Variants in DLGAP2 observed in about 807,000 individuals in gnomAD.
DLGAP2 encodes the protein disks large-associated protein 2.
In DLGAP2, 26 loss-of-function variants were observed where a neutral mutation model predicts 100.3. The observed-to-expected ratio is 0.26, with a 90% confidence interval of 0.19 to 0.36. The LOEUF is 0.36. DLGAP2 is among the 10% of genes least tolerant of loss of function. The probability of loss-of-function intolerance (pLI) is 1.00; values close to 1 mark genes in which losing one functional copy is unlikely to be tolerated. For synonymous variants in DLGAP2, 886 were observed against 630.1 expected, an observed-to-expected ratio of 1.41 and a Z score of -6.08; for missense variants, 1,858 against 1,453.2, an observed-to-expected ratio of 1.28 and a Z score of -4.53.
Position 1,488,494 on chromosome 8 carries a change from C to T in DLGAP2, c.107-12872C>T, listed in dbSNP as rs188574324. 2.8e-4 allele frequency among the ~76,000 whole-genome samples: 42 copies of T among 152,282 alleles called. 1 individual carries two copies. The East Asian group carries it at 6.6e-3, about 24-fold the overall frequency. ...AGGCCAGTCGGAACGGTGCCTGGCC[C>T]ACGTTTCATCTTCCCTTTATTTTTG... On this transcript the variant is annotated intron_variant, in intron 3 of 14. Transcript: ENST00000637795.
At chr8:905,708 G>C (rs1163888942) in intron 1 of DLGAP2, among the ~76,000 whole-genome samples, 1 of 152,114 alleles carries the variant, frequency 6.6e-6, no homozygotes, top group East Asian at 1.9e-4. Context: ...GTGGTCACGG[G>C]AGCTGCGGCA....
intron 2 of DLGAP2, among the ~76,000 whole-genome samples, chr8:989,247 C>G (rs1453643692): frequency 6.6e-6 from 1 of 152,148 alleles, no homozygotes; most frequent in East Asian, 1.9e-4. Flanking sequence ...CCTCTGGGTT[C>G]CCAGGAAGGA....
rs372692726 is a variant in DLGAP2 at position 1,271,374 on chromosome 8, A to G, written c.106+12491A>G. 8.5e-5 allele frequency among the ~76,000 whole-genome samples: 13 copies of G among 152,278 alleles called. No homozygotes were observed. In the South Asian group the frequency reaches 2.1e-3, roughly 24 times the overall value. ...TCTTTAAGCACAATGCATGGCACAC[A>G]CTGGGGACATAGTGACTTCTGTTTT... On this transcript the variant is annotated intron_variant, in intron 3 of 14. Transcript: ENST00000637795.
intron 1 of DLGAP2, among the ~76,000 whole-genome samples, chr8:805,294 C>G (rs117207891): frequency 6.6e-6 from 1 of 152,176 alleles, no homozygotes; most frequent in East Asian, 1.9e-4. Context: ...TAAATTATTT[C>G]ATTTCTTCTG....
chr8:1,242,476 A>T (rs922015967), intron 2 of DLGAP2, among the ~76,000 whole-genome samples: 1 of 152,188 alleles, frequency 6.6e-6, no homozygotes, highest in Non-Finnish European at 1.5e-5. Flanking sequence ...TTTCTTATGA[A>T]ATGTCCCATC....
At chr8:1,646,940 C>T (rs1490045671) in intron 8 of DLGAP2, among the ~76,000 whole-genome samples, 2 of 152,132 alleles carry the variant, frequency 1.3e-5, no homozygotes, top group Non-Finnish European at 2.9e-5. Context: ...GCCAGAGAAG[C>T]GTCGGAAAGG....
intron 6 of DLGAP2, among the ~76,000 whole-genome samples, chr8:1,592,320 A>T (rs76647881): frequency 0.051 from 7,766 of 152,234 alleles, 652 homozygotes; most frequent in African/African-American, 0.17. Context: ...ATCTTTAATT[A>T]TGAAAACTCT....
At chr8:1,338,652 A>T (rs1801344674) in intron 3 of DLGAP2, among the ~76,000 whole-genome samples, 1 of 152,238 alleles carries the variant, frequency 6.6e-6, no homozygotes, top group African/African-American at 2.4e-5. Flanking sequence ...TATTTTAAAA[A>T]TCTAAAACAA....
chr8:1,595,836 A>T (rs923372651), intron 6 of DLGAP2, among the ~76,000 whole-genome samples: 1 of 151,822 alleles, frequency 6.6e-6, no homozygotes, highest in African/African-American at 2.4e-5. Flanking sequence ...TGAAATTGAA[A>T]TGTATTTTAT....
chr8:1,276,702 T>C (rs1799705492), intron 3 of DLGAP2, among the ~76,000 whole-genome samples: 2 of 152,276 alleles, frequency 1.3e-5, no homozygotes, highest in South Asian at 2.1e-4. Flanking sequence ...CAAGACACTC[T>C]TGTTCACATT....
At chr8:1,617,597 A>G (rs531326820) in intron 6 of DLGAP2, among the ~76,000 whole-genome samples, 2 of 152,154 alleles carry the variant, frequency 1.3e-5, no homozygotes, top group African/African-American at 4.8e-5. Context: ...AGTTCCTTAT[A>G]GATGCTGGGT....
intron 1 of DLGAP2, among the ~76,000 whole-genome samples, chr8:878,858 C>T (rs969773042): frequency 2.4e-4 from 37 of 152,222 alleles, no homozygotes; most frequent in Non-Finnish European, 1.0e-4. Context: ...GGGCACCATG[C>T]TCTTGGACTT....
chr8:1,493,949 A>C (rs930390652), intron 3 of DLGAP2, among the ~76,000 whole-genome samples: 2 of 152,370 alleles, frequency 1.3e-5, no homozygotes, highest in Non-Finnish European at 1.5e-5. Context: ...GTGGACTCAC[A>C]AGACTGGTGG....
intron 2 of DLGAP2, among the ~76,000 whole-genome samples, chr8:1,201,797 T>C (rs1432436986): frequency 1.3e-5 from 2 of 152,182 alleles, no homozygotes; most frequent in African/African-American, 2.4e-5. Flanking sequence ...CACACAGCGG[T>C]GCCTCTGTGT....
chr8:1,250,528 C>T (rs1799016026), intron 2 of DLGAP2: 1 of 152,200 alleles, frequency 6.6e-6, no homozygotes, highest in Non-Finnish European at 1.5e-5. Flanking sequence ...GTGCATCCGT[C>T]TGGCCATGAG....
chr8:761,182 C>T (rs1821073647), intron 1 of DLGAP2, among the ~76,000 whole-genome samples: 1 of 152,128 alleles, frequency 6.6e-6, no homozygotes, highest in African/African-American at 2.4e-5. Context: ...CCCTTCTCTG[C>T]TCCCCCCCAC....
chr8:759,161 C>CACAACCTTCCCATTATCAATACCCCTG (rs1821004332), intron 1 of DLGAP2, among the ~76,000 whole-genome samples: 15 of 76,624 alleles, frequency 2.0e-4, no homozygotes, highest in Middle Eastern at 7.9e-3. Flanking sequence ...CAATACCCCC[C>CACAACCTTCCCATTATCAATACCCCTG]ACAGCCTTCC....
At chr8:1,697,413 C>A (rs1340599781) in intron 14 of DLGAP2, 114 bp downstream of exon 14, 2 of 1,430,400 alleles carry the variant, frequency 1.4e-6, no homozygotes, top group East Asian at 2.3e-5. Context: ...TGGCAACACA[C>A]GAGCAAATTT....
chr8:823,445 G>A (rs1363850935), intron 1 of DLGAP2, among the ~76,000 whole-genome samples: 1 of 152,106 alleles, frequency 6.6e-6, no homozygotes. Flanking sequence ...TATTTGTACT[G>A]TGAATTAGTT....
Sources: allele counts gnomAD v4.1 joint callset (sites outside exome capture counted in the v4.1 genomes callset), GRCh38; gene constraint gnomAD v4.1.1; transcripts MANE v1.5; gene names NCBI Gene and HGNC (gene_info 2026-07-23, HGNC 2026-07-21).